The following SAMD12 variants were observed in gnomAD, a reference collection of about 807,000 sequenced individuals.
SAMD12 encodes the protein sterile alpha motif domain containing 12.
In SAMD12, 9 loss-of-function variants were observed where a neutral mutation model predicts 15.0. The ratio of observed to expected loss-of-function variants is 0.60; its 90% CI spans 0.36 to 1.05. The LOEUF is 1.05. Ranked by LOEUF, SAMD12 falls within the 50% of genes least tolerant of loss-of-function variation. SAMD12 has a pLI of 0.01. For missense variants in SAMD12, 230 were observed against 234.2 expected, an observed-to-expected ratio of 0.98 and a Z score of 0.12; for synonymous variants, 86 against 90.1, an observed-to-expected ratio of 0.96 and a Z score of 0.25.
intron 1 of SAMD12, among the ~76,000 whole-genome samples, chr8:118,616,566 G>A (rs1828244554): frequency 1.3e-5 from 2 of 152,164 alleles, no homozygotes; most frequent in South Asian, 4.2e-4. Context: ...TACCCTCTGG[G>A]TCCTCCTCAG....
chr8:118,451,299 T>C (rs1470300846), intron 2 of SAMD12, among the ~76,000 whole-genome samples: 3 of 152,170 alleles, frequency 2.0e-5, no homozygotes, highest in Non-Finnish European at 4.4e-5. Context: ...GCTTCCTTAA[T>C]GAATTAAGAT....
intron 2 of SAMD12, among the ~76,000 whole-genome samples, chr8:118,549,061 A>AGGCC (rs1231753459): frequency 6.6e-6 from 1 of 152,248 alleles, no homozygotes; most frequent in Non-Finnish European, 1.5e-5. Context: ...CAGCTCAAGG[A>AGGCC]GGCCTGCCTG....
the SAMD12 span, among the ~76,000 whole-genome samples, chr8:118,132,986 A>ATAT: frequency 7.5e-4 from 45 of 59,776 alleles, 1 homozygote; most frequent in Middle Eastern, 0.013. Context: ...ATATATATAT[A>ATAT]TATATATATA....
At chr8:118,223,899 C>CA (rs1812132963) in intron 4 of SAMD12, among the ~76,000 whole-genome samples, 1 of 152,106 alleles carries the variant, frequency 6.6e-6, no homozygotes, top group South Asian at 2.1e-4. Flanking sequence ...CTCCTGGCCT[C>CA]AGTTTTTCCA....
chr8:118,467,478 T>C (rs1823627912), intron 2 of SAMD12, among the ~76,000 whole-genome samples: 1 of 152,208 alleles, frequency 6.6e-6, no homozygotes, highest in Admixed American at 6.5e-5. Flanking sequence ...ACCTCTACTT[T>C]AAAGTTAAGC....
At chr8:118,417,119 A>G (rs1490084399) in intron 3 of SAMD12, among the ~76,000 whole-genome samples, 1 of 151,960 alleles carries the variant, frequency 6.6e-6, no homozygotes, top group Non-Finnish European at 1.5e-5. Flanking sequence ...GAGACAGAGT[A>G]TCTATTGCTG....
intron 2 of SAMD12, among the ~76,000 whole-genome samples, chr8:118,459,472 T>C (rs148557130): frequency 6.2e-4 from 95 of 152,344 alleles, no homozygotes; most frequent in African/African-American, 2.2e-3. Context: ...ATTTTCTTCA[T>C]GTTCTACTTT....
At chr8:118,166,757 A>G in the SAMD12 span, among the ~76,000 whole-genome samples, 2 of 152,200 alleles carry the variant, frequency 1.3e-5, no homozygotes, top group Admixed American at 1.3e-4. Flanking sequence ...TCAACCGACT[A>G]CAGATATTAA....
At chr8:118,490,028 T>C (rs1054028433) in intron 2 of SAMD12, among the ~76,000 whole-genome samples, 4 of 152,186 alleles carry the variant, frequency 2.6e-5, no homozygotes, top group African/African-American at 7.2e-5. Flanking sequence ...GCACAGCCCC[T>C]GTCTATAGAA....
chr8:118,448,721 T>C (rs951740555), intron 2 of SAMD12, among the ~76,000 whole-genome samples: 1 of 152,194 alleles, frequency 6.6e-6, no homozygotes, highest in Non-Finnish European at 1.5e-5. Context: ...ATTTTTTTCT[T>C]TTTCAACTGA....
intron 2 of SAMD12, among the ~76,000 whole-genome samples, chr8:118,479,729 T>C (rs555934059): frequency 2.0e-5 from 3 of 152,152 alleles, no homozygotes; most frequent in East Asian, 3.9e-4. Context: ...ACTGCATCCA[T>C]GAGCACCAGC....
At chr8:118,612,872 G>A (rs939976537) in intron 1 of SAMD12, among the ~76,000 whole-genome samples, 2 of 152,208 alleles carry the variant, frequency 1.3e-5, no homozygotes, top group Non-Finnish European at 2.9e-5. Flanking sequence ...AGTGAGCAAT[G>A]AAAAGAGCTG....
At chr8:118,450,903 G>A (rs1055532187) in intron 2 of SAMD12, among the ~76,000 whole-genome samples, 1 of 152,078 alleles carries the variant, frequency 6.6e-6, no homozygotes, top group African/African-American at 2.4e-5. Context: ...AACGTGTGTG[G>A]TCAAGCCTGA....
chr8:118,202,237 A>G (rs1819735639), intron 4 of SAMD12, among the ~76,000 whole-genome samples: 1 of 152,232 alleles, frequency 6.6e-6, no homozygotes, highest in African/African-American at 2.4e-5. Flanking sequence ...CCTTGGAGAA[A>G]TCAAAGTCAA....
chr8:118,544,852 G>C (rs1015273180), intron 2 of SAMD12, among the ~76,000 whole-genome samples: 4 of 152,198 alleles, frequency 2.6e-5, no homozygotes, highest in Non-Finnish European at 2.9e-5. Context: ...AAACATGTTA[G>C]TTTTCTTGAG....
At chr8:118,521,061 C>A (rs542817603) in intron 2 of SAMD12, among the ~76,000 whole-genome samples, 3 of 152,282 alleles carry the variant, frequency 2.0e-5, no homozygotes, top group South Asian at 4.2e-4. Flanking sequence ...TTCCTTCATG[C>A]CATCTAGTCC....
At chr8:118,448,614 C>T (rs1188290619) in intron 2 of SAMD12, among the ~76,000 whole-genome samples, 2 of 152,234 alleles carry the variant, frequency 1.3e-5, no homozygotes, top group Non-Finnish European at 2.9e-5. Context: ...CTAAAACAGC[C>T]TTTCCTCCGA....
At chr8:118,552,873 C>A (rs1332767605) in intron 2 of SAMD12, among the ~76,000 whole-genome samples, 1 of 151,808 alleles carries the variant, frequency 6.6e-6, no homozygotes, top group East Asian at 1.9e-4. Context: ...CACAAGCATT[C>A]TTATACACCA....
intron 4 of SAMD12, among the ~76,000 whole-genome samples, chr8:118,240,502 T>A (rs1232907894): frequency 6.6e-6 from 1 of 152,148 alleles, no homozygotes; most frequent in African/African-American, 2.4e-5. Context: ...GGGCAACTCA[T>A]TCCACATCTC....
Sources: allele counts gnomAD v4.1 joint callset (sites outside exome capture counted in the v4.1 genomes callset), GRCh38; gene constraint gnomAD v4.1.1; transcripts MANE v1.5; gene names NCBI Gene and HGNC (gene_info 2026-07-23, HGNC 2026-07-21).